Variants in WRN observed in about 807,000 individuals in gnomAD.
WRN encodes bifunctional 3'-5' exonuclease/ATP-dependent helicase WRN.
WRN carries 149 observed loss-of-function variants against 180.7 expected under a neutral mutation model. That is an observed-to-expected ratio of 0.82 (90% confidence interval 0.72 to 0.94). The LOEUF (loss-of-function observed/expected upper bound fraction) is 0.94. Ranked by LOEUF, WRN falls within the 40% of genes least tolerant of loss-of-function variation. The pLI, the probability that WRN is intolerant of heterozygous loss-of-function variation, is 0.00. For missense variants in WRN, 1,661 were observed against 1,700.1 expected (o/e 0.98, Z 0.40); for synonymous variants, 548 against 568.9 (o/e 0.96, Z 0.52).
At chr8:31,066,130 G>T (rs569216795) in intron 5 of WRN, among the ~76,000 whole-genome samples, 2 of 151,698 alleles carry the variant, frequency 1.3e-5, no homozygotes, top group Non-Finnish European at 2.9e-5. Context: ...TGCCTGCCTC[G>T]GCCTCCCAAA....
intron 20 of WRN, among the ~76,000 whole-genome samples, chr8:31,118,401 A>G (rs1380514110): frequency 6.6e-6 from 1 of 151,996 alleles, no homozygotes; most frequent in African/African-American, 2.4e-5. Flanking sequence ...CTACTTTGCC[A>G]TTATAAAGAA....
At position 31,172,991 on chromosome 8, in the gene WRN, A is replaced by G. The variant is rs752010553; in HGVS notation, c.4192-4A>G. On this transcript the variant is annotated splice_region_variant and splice_polypyrimidine_tract_variant and intron_variant, in intron 34 of 34. Transcript: ENST00000298139. ...TGATTTCTTTTTCTTTCTATTTCCT[A>G]CAGACTTCATCTGCAGAGAGAAAGA... 1 of 1,613,052 alleles carries G rather than the reference A, an allele frequency of 6.2e-7. No homozygotes were observed. The highest frequency in any genetic ancestry group is 8.5e-7 in the Non-Finnish European group (1 of 1,179,292).
Position 31,059,270 on chromosome 8 carries a change from G to A in WRN, c.209+5G>A, listed in dbSNP as rs754208761. The A allele has an allele frequency of 3.7e-6, 6 of 1,606,338 alleles. No homozygotes were observed. The highest frequency in any genetic ancestry group is 5.1e-6 in the Non-Finnish European group (6 of 1,173,266). On this transcript the variant is annotated splice_donor_5th_base_variant and intron_variant, in intron 3 of 34. Transcript: ENST00000298139. The stretch of plus-strand genomic sequence containing the variant: ...TTTCCTGTCAGAAGATATTAGGTAA[G>A]TGATTTGAATTTCCTGATTTTATTT...
intron 19 of WRN, among the ~76,000 whole-genome samples, chr8:31,113,021 C>A (rs959803160): frequency 6.6e-5 from 10 of 151,850 alleles, no homozygotes; most frequent in African/African-American, 2.4e-4. Flanking sequence ...GCCTGGGCAA[C>A]ATGGTGAATC....
rs536182468 is a variant in WRN at position 31,055,494 on chromosome 8, T to A, written c.-76-2878T>A. 7.9e-5 allele frequency among the ~76,000 whole-genome samples: 12 copies of A among 152,320 alleles called. No homozygotes were observed. The East Asian group carries it at 2.1e-3, about 27-fold the overall frequency. On this transcript the variant is annotated intron_variant, in intron 1 of 34. Transcript: ENST00000298139. Reference sequence around the variant, plus strand: ...GTTTTGATTTGTATACAAAAAAGATTTGTATTTCTCTACTGATCAGTGATG... The same window carrying A: ...GTTTTGATTTGTATACAAAAAAGATATGTATTTCTCTACTGATCAGTGATG...
chr8:31,086,177 T>C lies in WRN; in HGVS notation c.1431+931T>C, dbSNP rs544408511. 2.1e-5 allele frequency among the ~76,000 whole-genome samples: 3 copies of C among 146,274 alleles called. No homozygotes were observed. The South Asian group carries it at 6.6e-4, about 32-fold the overall frequency. On this transcript the variant is annotated intron_variant, in intron 11 of 34. Coordinates refer to ENST00000298139, the MANE Select transcript of WRN (RefSeq NM_000553.6). ...AAGTTCCCCATTATGCATTTTTTTA[T>C]TCCTAATCTTTAGGTTGATGAGATT... is the stretch of plus-strand genomic sequence containing the variant.
Position 31,119,141 on chromosome 8 carries a change from A to G in WRN, c.2449-1102A>G, listed in dbSNP as rs189458825. 2.2e-3 allele frequency among the ~76,000 whole-genome samples: 339 copies of G among 151,618 alleles called. 1 individual carries two copies. The highest frequency in any genetic ancestry group is 2.3e-3 in the Non-Finnish European group (155 of 67,738). On this transcript the variant is annotated intron_variant, in intron 20 of 34. Transcript: ENST00000298139. ...TCTCACCTTTCTCATACTTTCTTTT[A>G]CTTACTCAGCATTTTCCTCCTTTCC...
intron 7 of WRN, among the ~76,000 whole-genome samples, chr8:31,068,798 T>G (rs540136028): frequency 6.6e-6 from 1 of 152,378 alleles, no homozygotes; most frequent in South Asian, 2.1e-4. Context: ...CTTTCTAACA[T>G]ACTGATTTAC....
At chr8:31,113,416 G>A (rs1348713829) in intron 19 of WRN, among the ~76,000 whole-genome samples, 2 of 152,164 alleles carry the variant, frequency 1.3e-5, no homozygotes, top group Non-Finnish European at 2.9e-5. Context: ...AACAAGAATG[G>A]ATCGAATATA....
intron 33 of WRN, among the ~76,000 whole-genome samples, chr8:31,162,081 C>T (rs10954779): frequency 0.55 from 83,415 of 151,904 alleles, 23,093 homozygotes; most frequent in South Asian, 0.63. Context: ...GAAACTAAAA[C>T]AAAAGTTAAA....
Position 31,058,389 on chromosome 8 carries a change from T to A in WRN, c.-59T>A. On this transcript the variant is annotated 5_prime_UTR_variant, in exon 2 of 35. Transcript: ENST00000298139. The stretch of plus-strand genomic sequence containing the variant: ...CCTCTCAGTTTTCTTTCAGATATTG[T>A]TTTGTATTTACCCATGAAGACATTG... The A allele has an allele frequency of 7.0e-7, 1 of 1,429,216 alleles. No individual in the cohort carries two copies. Among genetic ancestry groups the A allele is most frequent in the Non-Finnish European group, 9.8e-7 (1 of 1,021,090 alleles). The allele number at this position is 1,429,216 out of a possible 1,614,324, so 88.5% of individuals were successfully genotyped here.
intron 33 of WRN, among the ~76,000 whole-genome samples, chr8:31,160,218 G>C (rs1803558440): frequency 6.6e-6 from 1 of 152,196 alleles, no homozygotes; most frequent in African/African-American, 2.4e-5. Context: ...AGATCTGTAT[G>C]TAAGGAATGG....
chr8:31,049,906 G>A (rs1400554579), intron 1 of WRN, among the ~76,000 whole-genome samples: 1 of 151,382 alleles, frequency 6.6e-6, no homozygotes, highest in Non-Finnish European at 1.5e-5. Context: ...TTAATCTTGT[G>A]GTCAAGAAAG....
intron 7 of WRN, among the ~76,000 whole-genome samples, chr8:31,071,912 C>G (rs1388696068): frequency 6.6e-6 from 1 of 152,138 alleles, no homozygotes; most frequent in Non-Finnish European, 1.5e-5. Flanking sequence ...TTGGCATAAG[C>G]AACAGGGATG....
At chr8:31,057,921 A>G (rs1224179118) in intron 1 of WRN, among the ~76,000 whole-genome samples, 1 of 152,206 alleles carries the variant, frequency 6.6e-6, no homozygotes, top group Non-Finnish European at 1.5e-5. Context: ...CTAGGTGAGG[A>G]GCAAAATAAA....
intron 33 of WRN, among the ~76,000 whole-genome samples, chr8:31,165,689 T>A (rs1670691219): frequency 6.6e-6 from 1 of 152,120 alleles, no homozygotes; most frequent in Non-Finnish European, 1.5e-5. Context: ...TTTGTAAAAT[T>A]TACTGTTGAA....
intron 18 of WRN, among the ~76,000 whole-genome samples, chr8:31,103,048 C>T (rs1349109057): frequency 6.6e-6 from 1 of 151,218 alleles, no homozygotes; most frequent in Non-Finnish European, 1.5e-5. Context: ...AACTAAAATA[C>T]ACACATATCA....
At chr8:31,117,781 A>G (rs1266339229) in intron 20 of WRN, among the ~76,000 whole-genome samples, 1 of 152,180 alleles carries the variant, frequency 6.6e-6, no homozygotes, top group Non-Finnish European at 1.5e-5. Flanking sequence ...CACTACACAT[A>G]GTCATGCTGT....
rs1277806936 is a variant in WRN at position 31,174,708 on chromosome 8, TCTTCCTTCTTC to T, written c.*1615_*1625del. ...TTCTTCTGATTCTTCTTCTTCTCCT[TCTTCCTTCTTC>T]CTTCCTTCCTCCTCCTCCTCCTTCT... On this transcript the variant is annotated 3_prime_UTR_variant, in exon 35 of 35. Coordinates refer to ENST00000298139, the MANE Select transcript of WRN (RefSeq NM_000553.6). Among the ~76,000 whole-genome samples the T allele has an allele frequency of 6.6e-6, 1 of 151,506 alleles. No homozygotes were observed. Among genetic ancestry groups the T allele is most frequent in the Non-Finnish European group, 1.5e-5 (1 of 67,858 alleles).
Sources: allele counts gnomAD v4.1 joint callset (sites outside exome capture counted in the v4.1 genomes callset), GRCh38; gene constraint gnomAD v4.1.1; transcripts MANE v1.5; gene names NCBI Gene and HGNC (gene_info 2026-07-23, HGNC 2026-07-21).